Variants in BCAT1 observed in about 807,000 individuals in gnomAD.
BCAT1 encodes branched chain amino acid transaminase 1.
BCAT1 carries 48 observed loss-of-function variants against 52.4 expected under a neutral mutation model. The observed-to-expected ratio is 0.92, with a 90% CI of 0.73 to 1.16. BCAT1 has a LOEUF of 1.16. BCAT1 is among the 50% of genes most tolerant of loss of function. The pLI, the probability that BCAT1 is intolerant of heterozygous loss-of-function variation, is 0.00. For synonymous variants in BCAT1, 167 were observed against 161.3 expected (o/e 1.04, Z -0.27); for missense variants, 451 against 457.1 (o/e 0.99, Z 0.12).
intron 5 of BCAT1, among the ~76,000 whole-genome samples, chr12:24,862,321 T>G (rs1401741908): frequency 6.6e-6 from 1 of 152,196 alleles, no homozygotes; most frequent in Middle Eastern, 3.2e-3. Context: ...TAAGCTTTCT[T>G]CTCTAAAAGT....
In BCAT1 at chr12:24,817,988, T is replaced by A; in HGVS notation, c.*20A>T. The A allele has an allele frequency of 6.2e-7, 1 of 1,611,470 alleles. No homozygotes were observed. Among genetic ancestry groups the A allele is most frequent in the Non-Finnish European group, 8.5e-7 (1 of 1,177,990 alleles). ...TACAGTTGGTATCCTCTATTTTCCA[T>A]TGTATCCTCTATTTTCCATTCAGGA... On this transcript the variant is annotated 3_prime_UTR_variant, in exon 11 of 11. Coordinates refer to ENST00000261192, the MANE Select transcript of BCAT1 (RefSeq NM_005504.7).
chr12:24,829,926 T>C, intron 9 of BCAT1, 29 bp from the exon 10 acceptor site: 3 of 1,535,410 alleles, frequency 2.0e-6, no homozygotes, highest in Non-Finnish European at 2.7e-6. Flanking sequence ...TGAGATAATT[T>C]GAGGGTACTC....
At chr12:24,865,206 C>A (rs1305234460) in intron 5 of BCAT1, among the ~76,000 whole-genome samples, 1 of 152,210 alleles carries the variant, frequency 6.6e-6, no homozygotes. Flanking sequence ...TAGACTTTCA[C>A]ATCTATAGTA....
chr12:24,926,519 G>T (rs1943590153), intron 1 of BCAT1, among the ~76,000 whole-genome samples: 1 of 152,248 alleles, frequency 6.6e-6, no homozygotes, highest in African/African-American at 2.4e-5. Flanking sequence ...GAATAGAAAA[G>T]GGGGAAATGT....
chr12:24,888,500 GA>G (rs1037782787), intron 3 of BCAT1, among the ~76,000 whole-genome samples: 5 of 151,844 alleles, frequency 3.3e-5, no homozygotes, highest in Admixed American at 2.0e-4. Context: ...CCTTGTCTCA[GA>G]AAAAAAAGAA....
At chr12:24,818,175 A>G (rs1598088091) in intron 10 of BCAT1, 126 bp from the exon 11 acceptor site, 4 of 855,968 alleles carry the variant, frequency 4.7e-6, no homozygotes, top group East Asian at 2.6e-5. Flanking sequence ...ACATTTTCAC[A>G]TTAAACATGT....
intron 1 of BCAT1, among the ~76,000 whole-genome samples, chr12:24,923,786 AAC>A (rs1160214563): frequency 1.3e-5 from 2 of 152,204 alleles, no homozygotes; most frequent in Non-Finnish European, 2.9e-5. Flanking sequence ...TGACCAAAGT[AAC>A]ACACCTGTCT....
chr12:24,860,002 C>G (rs897579206), intron 5 of BCAT1, among the ~76,000 whole-genome samples: 1 of 152,150 alleles, frequency 6.6e-6, no homozygotes, highest in African/African-American at 2.4e-5. Flanking sequence ...TTTATGTTAT[C>G]AGTAATAATT....
chr12:24,902,430 A>T, intron 1 of BCAT1: 1 of 1,059,494 alleles, frequency 9.4e-7, no homozygotes, highest in Non-Finnish European at 1.1e-6. Context: ...AATTTAAAAG[A>T]TAAAGACACA....
chr12:24,824,790 A>T (rs1940314937), intron 10 of BCAT1, among the ~76,000 whole-genome samples: 1 of 152,210 alleles, frequency 6.6e-6, no homozygotes, highest in South Asian at 2.1e-4. Flanking sequence ...CCTGATTTTT[A>T]AAATTTTAAT....
At chr12:24,885,832 T>G (rs1942647888) in intron 3 of BCAT1, among the ~76,000 whole-genome samples, 1 of 151,882 alleles carries the variant, frequency 6.6e-6, no homozygotes, top group Admixed American at 6.6e-5. Context: ...TATACATAGG[T>G]GGAAAAAAAT....
At chr12:24,847,131 A>G (rs1237020287) in intron 6 of BCAT1, among the ~76,000 whole-genome samples, 2 of 152,242 alleles carry the variant, frequency 1.3e-5, no homozygotes, top group Non-Finnish European at 2.9e-5. Context: ...CAACTTTAAA[A>G]ATGAGGAAAC....
intron 3 of BCAT1, among the ~76,000 whole-genome samples, chr12:24,881,961 T>C (rs954200): frequency 0.91 from 137,819 of 152,218 alleles, 62,517 homozygotes; most frequent in East Asian, 1. Context: ...AGTGCTGTCC[T>C]GAACAAACCA....
chr12:24,872,035 T>C (rs752036307), intron 5 of BCAT1, among the ~76,000 whole-genome samples: 6 of 152,216 alleles, frequency 3.9e-5, no homozygotes, highest in Non-Finnish European at 7.3e-5. Flanking sequence ...AATTAATGAT[T>C]TATAAATTGC....
At chr12:24,907,003 T>C (rs751264659) in intron 1 of BCAT1, among the ~76,000 whole-genome samples, 1 of 152,194 alleles carries the variant, frequency 6.6e-6, no homozygotes, top group Non-Finnish European at 1.5e-5. Flanking sequence ...CTTCAAGGCT[T>C]CACATCACCC....
chr12:24,836,547 C>T lies in BCAT1; in HGVS notation c.867G>A (p.Val289=). The change falls in exon 8 of 11, where the codon GTG becomes GTA. Residue 289 remains valine (V), a synonymous_variant. Transcript: ENST00000261192. The part of the protein sequence containing the change: ...PPLDGIILPG[V]TRRCILDLAH... ...CCAGGTCCAGAATGCACCGCCTTGT[C>T]ACTCCTGGAAGAATGATGCCATCTA... 1 of 1,613,216 alleles carries T rather than the reference C, an allele frequency of 6.2e-7. No homozygotes were observed. The highest frequency in any genetic ancestry group is 8.5e-7 in the Non-Finnish European group (1 of 1,179,642).
At chr12:24,869,732 A>G (rs1318915653) in intron 5 of BCAT1, among the ~76,000 whole-genome samples, 3 of 152,298 alleles carry the variant, frequency 2.0e-5, no homozygotes, top group African/African-American at 7.2e-5. Flanking sequence ...ATAACCTCCA[A>G]CGTGGTTGAC....
intron 1 of BCAT1, among the ~76,000 whole-genome samples, chr12:24,908,251 A>C (rs1943257856): frequency 6.6e-6 from 1 of 151,910 alleles, no homozygotes; most frequent in African/African-American, 2.4e-5. Flanking sequence ...CATAATAAGG[A>C]CTTTATATGC....
intron 1 of BCAT1, among the ~76,000 whole-genome samples, chr12:24,926,092 T>C (rs1270592144): frequency 6.6e-6 from 1 of 150,990 alleles, no homozygotes; most frequent in Non-Finnish European, 1.5e-5. Flanking sequence ...GGCTGCCCAG[T>C]CTGGGAAGTG....
Sources: gnomAD v4.1 joint callset for allele counts (sites outside exome capture counted in the v4.1 genomes callset) on GRCh38, gnomAD v4.1.1 for gene constraint, MANE v1.5 for transcripts, NCBI Gene and HGNC (gene_info 2026-07-23, HGNC 2026-07-21) for gene names.